Variants in SIAE observed in about 807,000 individuals in gnomAD.
SIAE encodes sialic acid acetylesterase.
A neutral mutation model predicts 52.6 loss-of-function variants in SIAE; 39 were observed. The observed-to-expected ratio is 0.74, with a 90% CI of 0.57 to 0.97. The LOEUF is 0.97. SIAE is among the 50% of genes least tolerant of loss of function. The pLI, the probability that SIAE is intolerant of heterozygous loss-of-function variation, is 0.00. For missense variants in SIAE, 592 were observed against 662.1 expected (o/e 0.89, Z 1.16); for synonymous variants, 233 against 241.4 (o/e 0.97, Z 0.32).
chr11:124,652,747 C>T (rs1055149691), intron 4 of SIAE, among the ~76,000 whole-genome samples: 2 of 150,436 alleles, frequency 1.3e-5, no homozygotes, highest in Non-Finnish European at 3.0e-5. Flanking sequence ...AGATTCTCAA[C>T]GTGGGAGAGA....
intron 5 of SIAE, among the ~76,000 whole-genome samples, chr11:124,649,125 T>C (rs577287165): frequency 2.0e-5 from 3 of 152,330 alleles, no homozygotes; most frequent in South Asian, 4.1e-4. Context: ...ATAACATTTG[T>C]TCTTCCTGTT....
At chr11:124,638,925 C>T (rs1293896874) in intron 8 of SIAE, among the ~76,000 whole-genome samples, 188 bp from the exon 9 acceptor site, 1 of 152,016 alleles carries the variant, frequency 6.6e-6, no homozygotes, top group African/African-American at 2.4e-5. Context: ...TCTGGGCCTT[C>T]TATGGGTTGG....
rs977217255 is a variant in SIAE, at chr11:124,634,753, A to T, written c.*2198T>A. 1 of 152,242 alleles carries T rather than the reference A, an allele frequency of 6.6e-6. No individual in the cohort carries two copies. The highest frequency in any genetic ancestry group is 6.5e-5 in the Admixed American group (1 of 15,288). 9.4% of individuals were successfully genotyped at this position (152,242 alleles called of 1,614,324 possible). A position where few individuals can be genotyped will look rare whatever the true frequency, so the allele number is the denominator to read the frequency against. On this transcript the variant is annotated 3_prime_UTR_variant, in exon 10 of 10. Transcript: ENST00000263593. ...ATTCTATTATTTACATAAGAAAATT[A>T]TTTTGGTAAAGTAAGTAAGTCAAAA...
chr11:124,649,338 T>C (rs1374007709), intron 5 of SIAE, among the ~76,000 whole-genome samples: 1 of 151,014 alleles, frequency 6.6e-6, no homozygotes, highest in Non-Finnish European at 1.5e-5. Context: ...AATTTATATA[T>C]ATAAAGTGCT....
intron 9 of SIAE, 138 bp from the exon 10 acceptor site, chr11:124,637,340 C>T: frequency 8.5e-7 from 1 of 1,174,654 alleles, no homozygotes; most frequent in South Asian, 1.3e-5. Flanking sequence ...GTAAGCAGAA[C>T]AAACCTGAGC....
chr11:124,675,271 A>G (rs185768840), upstream of SIAE: 65 of 1,612,392 alleles, frequency 4.0e-5, no homozygotes, highest in Middle Eastern at 5.0e-4. Flanking sequence ...GAAGATGTCG[A>G]TTCCATTCTC....
chr11:124,651,007 G>A (rs1176757572), intron 4 of SIAE, among the ~76,000 whole-genome samples: 1 of 152,066 alleles, frequency 6.6e-6, no homozygotes, highest in African/African-American at 2.4e-5. Flanking sequence ...GGTGAAGAGG[G>A]GGGCATGCAT....
Position 124,639,817 on chromosome 11 carries a change from G to A in SIAE, c.1017C>T (p.Ile339=), listed in dbSNP as rs200225018. 2 of 1,614,224 alleles carry A rather than the reference G, an allele frequency of 1.2e-6. No homozygotes were observed. Among genetic ancestry groups the A allele is most frequent in the East Asian group, 2.2e-5 (1 of 44,888 alleles). The part of the protein sequence containing the change: ...KKSSDDGFPQ[I]RWHQTADFGY... ...CGAAGTCTGCTGTTTGATGCCAACGGATCTGGGGAAATCCATCGTCTGAGC... is the reference window on the plus strand; with the variant it reads ...CGAAGTCTGCTGTTTGATGCCAACGAATCTGGGGAAATCCATCGTCTGAGC... The change falls in exon 8 of 10, where the codon ATC becomes ATT. Residue 339 remains isoleucine, a synonymous_variant. Coordinates refer to ENST00000263593, the MANE Select transcript of SIAE (RefSeq NM_170601.5).
At chr11:124,672,065 C>T (rs1213649559) in intron 1 of SIAE, among the ~76,000 whole-genome samples, 1 of 151,878 alleles carries the variant, frequency 6.6e-6, no homozygotes, top group East Asian at 1.9e-4. Context: ...CATGAGCCAC[C>T]GCGCCTGGCC....
chr11:124,673,923 A>C (rs1591400353), upstream of SIAE: 1 of 578,926 alleles, frequency 1.7e-6, no homozygotes, highest in African/African-American at 1.9e-5. Context: ...AACAACCGGA[A>C]CCGGCGGCAC....
intron 7 of SIAE, among the ~76,000 whole-genome samples, chr11:124,646,469 G>A (rs1942936948): frequency 6.6e-6 from 1 of 151,678 alleles, no homozygotes; most frequent in African/African-American, 2.4e-5. Flanking sequence ...GGACCTAAAG[G>A]ATGATTAAAG....
intron 7 of SIAE, among the ~76,000 whole-genome samples, chr11:124,646,380 G>C (rs1031171908): frequency 6.6e-6 from 1 of 152,174 alleles, no homozygotes; most frequent in African/African-American, 2.4e-5. Flanking sequence ...CAAATAAAAA[G>C]GGGAAGTAGA....
intron 1 of SIAE, among the ~76,000 whole-genome samples, chr11:124,672,527 T>G (rs534862981): frequency 8.5e-5 from 13 of 152,228 alleles, no homozygotes; most frequent in East Asian, 3.9e-4. Flanking sequence ...TACTAATGAA[T>G]GAAAAATGTG....
chr11:124,659,146 C>T (rs1181164943), intron 3 of SIAE: 1 of 152,166 alleles, frequency 6.6e-6, no homozygotes, highest in Non-Finnish European at 1.5e-5. Context: ...TCTTAACAAT[C>T]AAAATCTAAT....
In SIAE at chr11:124,669,550, G is replaced by T. The variant is rs79080743; in HGVS notation, c.68-29C>A. The stretch of plus-strand genomic sequence containing the variant: ...AAAAATTTAACAAACACTGAGGGAA[G>T]CATCATCGGAGAGATATAGCACCAA... On this transcript the variant is annotated intron_variant, in intron 1 of 9. Transcript: ENST00000263593. 7.9e-3 allele frequency: 12,379 copies of T among 1,568,334 alleles called. 814 individuals carry two copies. The African/African-American group carries it at 0.14, about 18-fold the overall frequency.
chr11:124,653,529 C>T lies in SIAE; in HGVS notation c.544+1126G>A, dbSNP rs574626740. On this transcript the variant is annotated intron_variant, in intron 4 of 9. Transcript: ENST00000263593. ...CATGCAGTTTCTAAAGGGGGTGGTC[C>T]GCAGTGCTGAATGCGGCAAAGGTCT... Among the ~76,000 whole-genome samples the T allele has an allele frequency of 1.2e-4, 19 of 152,080 alleles. No individual in the cohort carries two copies. The South Asian group carries it at 3.9e-3, about 32-fold the overall frequency.
chr11:124,669,280 A>AC (rs1943315447), intron 2 of SIAE, 80 bp downstream of exon 2: 15 of 1,530,436 alleles, frequency 9.8e-6, no homozygotes, highest in Non-Finnish European at 1.3e-5. Flanking sequence ...AATGTGAGCT[A>AC]CAGCATTAGC....
chr11:124,643,482 A>C (rs1942881940), intron 7 of SIAE, among the ~76,000 whole-genome samples: 1 of 152,212 alleles, frequency 6.6e-6, no homozygotes, highest in Admixed American at 6.5e-5. Flanking sequence ...CAATAATACA[A>C]GGGAGAGATG....
At chr11:124,660,304 A>G in intron 3 of SIAE, 1 of 340,998 alleles carries the variant, frequency 2.9e-6, no homozygotes, top group Admixed American at 4.2e-5. Flanking sequence ...AAAGAAAAAA[A>G]AAAAAAAGCA....
Sources: allele counts gnomAD v4.1 joint callset (sites outside exome capture counted in the v4.1 genomes callset), GRCh38; gene constraint gnomAD v4.1.1; transcripts MANE v1.5; gene names NCBI Gene and HGNC (gene_info 2026-07-23, HGNC 2026-07-21).